Variants in PLD2 observed in about 807,000 individuals in gnomAD.
PLD2 encodes the protein choline phosphatase 2.
In PLD2, 101 loss-of-function variants were observed where a neutral mutation model predicts 119.8. The ratio of observed to expected loss-of-function variants is 0.84; its 90% CI spans 0.72 to 0.99. The LOEUF (loss-of-function observed/expected upper bound fraction) is 0.99. Among genes scored for constraint, PLD2 ranks in the 50% least tolerant of loss-of-function variants. The pLI is 0.00. For synonymous variants in PLD2, 494 were observed against 482.8 expected (o/e 1.02, Z -0.30); for missense variants, 1,164 against 1,226.8 (o/e 0.95, Z 0.76).
intron 10 of PLD2, 49 bp downstream of exon 10, chr17:4,811,000 C>G: frequency 6.4e-7 from 1 of 1,551,526 alleles, no homozygotes; most frequent in Non-Finnish European, 8.7e-7. Context: ...TTCTTGACCC[C>G]CTGTGTAATC....
Position 4,814,404 on chromosome 17 carries a change from TGG to T in PLD2, c.1011-13_1011-12del, listed in dbSNP as rs1340034686. The T allele has an allele frequency of 3.0e-5, 48 of 1,604,674 alleles. No homozygotes were observed. Among genetic ancestry groups the T allele is most frequent in the Non-Finnish European group, 3.7e-5 (44 of 1,176,348 alleles). ...TCTGACTCCCCTGACCTCCTTGGCT[TGG>T]CCTCCCCCCAGGTTTGTGAATGGGG... On this transcript the variant is annotated splice_polypyrimidine_tract_variant and intron_variant, in intron 10 of 24. Transcript: ENST00000263088.
In PLD2 at chr17:4,815,944, CT is replaced by C. The variant is rs1567530872; in HGVS notation, c.1455+11del. 8 of 1,593,306 alleles carry C rather than the reference CT, an allele frequency of 5.0e-6. No homozygotes were observed. In the South Asian group the frequency reaches 6.6e-5, roughly 13 times the overall value. On this transcript the variant is annotated intron_variant, in intron 14 of 24. Transcript: ENST00000263088. ...ATCAGCTGCCTCCCAGGTAATCCCCCTGAGGCCTTCCTGAGCACCCCCAAAC... is the reference window on the plus strand; with the variant it reads ...ATCAGCTGCCTCCCAGGTAATCCCCCGAGGCCTTCCTGAGCACCCCCAAAC...
rs1008637633 is a variant in PLD2 at position 4,808,617 on chromosome 17, G to A, written c.383+201G>A. 2.6e-5 allele frequency among the ~76,000 whole-genome samples: 4 copies of A among 152,170 alleles called. No individual in the cohort carries two copies. The highest frequency in any genetic ancestry group is 5.9e-5 in the Non-Finnish European group (4 of 68,038). On this transcript the variant is annotated intron_variant, in intron 4 of 24. Coordinates refer to ENST00000263088, the MANE Select transcript of PLD2 (RefSeq NM_002663.5). This position sits in a 1 kb window ranked among gnomAD's most constrained non-coding sequence, Gnocchi z 4.1. ...TGCCAGCATCTCAGCTGGGCGGGATGCCCAAAATGCTCTTGGCAGCCTCAC... is the reference window on the plus strand; with the variant it reads ...TGCCAGCATCTCAGCTGGGCGGGATACCCAAAATGCTCTTGGCAGCCTCAC...
Position 4,808,445 on chromosome 17 carries a change from A to C in PLD2, c.383+29A>C, listed in dbSNP as rs3889229. 3.0e-3 allele frequency: 4,850 copies of C among 1,605,806 alleles called. 135 individuals carry two copies. In the African/African-American group the frequency reaches 0.057, roughly 19 times the overall value. On this transcript the variant is annotated intron_variant, in intron 4 of 24. Transcript: ENST00000263088. This position sits in a 1 kb window ranked among gnomAD's most constrained non-coding sequence, Gnocchi z 4.1. The stretch of plus-strand genomic sequence containing the variant: ...AGGGCGACCGGACTGCTTCCTGTAG[A>C]GGGCAGGTGCTCCCCACCCTCCTTT...
At position 4,819,080 on chromosome 17, in the gene PLD2, G is replaced by A. The variant is rs773887954; in HGVS notation, c.2174-4G>A. 7 of 1,613,940 alleles carry A rather than the reference G, an allele frequency of 4.3e-6. No homozygotes were observed. The African/African-American group carries it at 5.3e-5, about 12-fold the overall frequency. On this transcript the variant is annotated splice_region_variant and splice_polypyrimidine_tract_variant and intron_variant, in intron 21 of 24. Transcript: ENST00000263088. The surrounding 1 kb of genome is among the most constrained non-coding windows in gnomAD (Gnocchi z 4.2). ...CTCACCTCACTTCCCCTCCTGTCAC[G>A]CAGTGGGGACAGCATGGCGGGACTA...
chr17:4,812,796 A>G (rs1253728759), intron 10 of PLD2, among the ~76,000 whole-genome samples: 3 of 152,178 alleles, frequency 2.0e-5, no homozygotes, highest in Non-Finnish European at 2.9e-5. Context: ...TATACAAGAT[A>G]AAGAAAATGC....
intron 6 of PLD2, 59 bp downstream of exon 6, chr17:4,809,422 G>A: frequency 1.9e-6 from 3 of 1,612,886 alleles, no homozygotes; most frequent in South Asian, 2.2e-5. Flanking sequence ...TCGGGGAGGA[G>A]GGCCAGGGGC....
At chr17:4,809,647 G>A in intron 7 of PLD2, 44 bp from the exon 8 acceptor site, 1 of 1,611,612 alleles carries the variant, frequency 6.2e-7, no homozygotes, top group Non-Finnish European at 8.5e-7. Flanking sequence ...GTGGGCTGGG[G>A]GTCTGGAGTC....
In PLD2 at chr17:4,819,412, C is replaced by T; in HGVS notation, c.2309-17C>T. 3.7e-6 allele frequency: 6 copies of T among 1,611,534 alleles called. 1 individual carries two copies. In the South Asian group the frequency reaches 4.4e-5, roughly 12 times the overall value. On this transcript the variant is annotated splice_polypyrimidine_tract_variant and intron_variant, in intron 22 of 24. Coordinates refer to ENST00000263088, the MANE Select transcript of PLD2 (RefSeq NM_002663.5). This position sits in a 1 kb window ranked among gnomAD's most constrained non-coding sequence, Gnocchi z 4.2. ...GCCCTGGGCCCAAGCACACAGTGTG[C>T]CCCGCATCCACCCCAGGTTCTGCAA...
At position 4,809,695 on chromosome 17, in the gene PLD2, G is replaced by T. The variant is rs1430265777; in HGVS notation, c.619G>T (p.Gly207Trp). 2 of 1,614,168 alleles carry T rather than the reference G, an allele frequency of 1.2e-6. No homozygotes were observed. The highest frequency in any genetic ancestry group is 1.3e-5 in the African/African-American group (1 of 75,056). Residue 207 changes from glycine (G) to tryptophan (W), a missense_variant, in exon 8 of 25, where the codon GGG (glycine) becomes TGG (tryptophan). Gly to Trp is a radical substitution (Grantham distance 184, BLOSUM62 -2). Coordinates refer to ENST00000263088, the MANE Select transcript of PLD2 (RefSeq NM_002663.5). The stretch of plus-strand genomic sequence containing the variant: ...CTCTTCCTGATTGTCCCACAGGGAG[G>T]GGATGATCCGGAAGCGCTCAGGTGG... ...IPDLGRKGLE[G>W]MIRKRSGGHR...
Position 4,809,188 on chromosome 17 carries a change from C to G in PLD2, c.472C>G (p.His158Asp). The change falls in exon 5 of 25, where the codon CAT becomes GAT. Residue 158 changes from histidine to aspartate, a missense_variant. By Grantham distance (81) the His-to-Asp change is moderately conservative. Coordinates refer to ENST00000263088, the MANE Select transcript of PLD2 (RefSeq NM_002663.5). ...GGCAGGTCCTGAGGGCTCCACCAGACATGCAGCCAGCAAACAGGTGGGACC... is the reference window on the plus strand; with the variant it reads ...GGCAGGTCCTGAGGGCTCCACCAGAGATGCAGCCAGCAAACAGGTGGGACC... The part of the protein sequence containing the change: ...PRAGPEGSTR[H>D]AASKQKYLEN... 6.2e-7 allele frequency: 1 copy of G among 1,614,098 alleles called. No individual in the cohort carries two copies. Among genetic ancestry groups the G allele is most frequent in the Non-Finnish European group, 8.5e-7 (1 of 1,179,928 alleles).
chr17:4,815,751 A>G lies in PLD2; in HGVS notation c.1285-13A>G, dbSNP rs761551348. The G allele has an allele frequency of 9.9e-6, 16 of 1,613,254 alleles. No homozygotes were observed. Among genetic ancestry groups the G allele is most frequent in the East Asian group, 2.2e-5 (1 of 44,884 alleles). ...CTAAACCCACCCTCATGAACCCTCC[A>G]TGCCTGCTCCAGGTGATGCGTCACC... On this transcript the variant is annotated splice_polypyrimidine_tract_variant and intron_variant, in intron 13 of 24. Coordinates refer to ENST00000263088, the MANE Select transcript of PLD2 (RefSeq NM_002663.5).
chr17:4,811,136 G>A (rs565258331), intron 10 of PLD2, among the ~76,000 whole-genome samples, 185 bp downstream of exon 10: 4 of 150,950 alleles, frequency 2.6e-5, no homozygotes, highest in African/African-American at 4.9e-5. Flanking sequence ...ATTTCGCGCC[G>A]ACCTTTCTGA....
chr17:4,822,723 C>T lies in PLD2; in HGVS notation c.2661C>T (p.Val887=). The part of the protein sequence containing the change: ...EYVAVEPLAT[V]SPPLARSELT... ...TGGCCGTGGAGCCCTTGGCCACGGTCAGTCCCCCCTTGGCTCGGTCTGAGC... is the reference window on the plus strand; with the variant it reads ...TGGCCGTGGAGCCCTTGGCCACGGTTAGTCCCCCCTTGGCTCGGTCTGAGC... The change falls in exon 25 of 25, where the codon GTC becomes GTT. Residue 887 remains valine, a synonymous_variant. Coordinates refer to ENST00000263088, the MANE Select transcript of PLD2 (RefSeq NM_002663.5). 6 of 1,614,074 alleles carry T rather than the reference C, an allele frequency of 3.7e-6. No individual in the cohort carries two copies. The highest frequency in any genetic ancestry group is 5.1e-6 in the Non-Finnish European group (6 of 1,179,914).
chr17:4,819,368 A>G lies in PLD2; in HGVS notation c.2309-61A>G. 4 of 1,606,096 alleles carry G rather than the reference A, an allele frequency of 2.5e-6. No homozygotes were observed. In the South Asian group the frequency reaches 3.3e-5, roughly 13 times the overall value. On this transcript the variant is annotated intron_variant, in intron 22 of 24. Coordinates refer to ENST00000263088, the MANE Select transcript of PLD2 (RefSeq NM_002663.5). This position sits in a 1 kb window ranked among gnomAD's most constrained non-coding sequence, Gnocchi z 4.2. ...GCAGGCCAGTGCTTTGGTAGAGGGG[A>G]TGGGGTACTGGGGAGAGTGCCCTGG... is the stretch of plus-strand genomic sequence containing the variant.
intron 9 of PLD2, 24 bp from the exon 10 acceptor site, chr17:4,810,778 G>A (rs1354943947): frequency 6.3e-7 from 1 of 1,597,830 alleles, no homozygotes; most frequent in Non-Finnish European, 8.5e-7. Context: ...GAGGATTTAT[G>A]GACATCTCAT....
intron 10 of PLD2, chr17:4,814,122 T>G: frequency 3.4e-6 from 1 of 292,848 alleles, no homozygotes; most frequent in Non-Finnish European, 6.4e-6. Flanking sequence ...TTGCTCATTT[T>G]TCAGTTGGCT....
chr17:4,813,872 A>G (rs901801770), intron 10 of PLD2, among the ~76,000 whole-genome samples: 3 of 152,244 alleles, frequency 2.0e-5, no homozygotes, highest in African/African-American at 7.2e-5. Context: ...AAAGCTATAT[A>G]TATATTTTTT....
Position 4,807,539 on chromosome 17 carries a change from C to CGGGACGGGGCGG in PLD2, c.-1-230_-1-229insACGGGGCGGGGG. ...GTTCCCCGGGGCTCTGGTTACGGGACGGGGCGGGGGGCGGGGGGCGGGACT... is the reference window on the plus strand; with the variant it reads ...GTTCCCCGGGGCTCTGGTTACGGGACGGGACGGGGCGGGGGGCGGGGGGCGGGGGGCGGGACT... On this transcript the variant is annotated intron_variant, in intron 1 of 24. Transcript: ENST00000263088. The surrounding 1 kb of genome is among the most constrained non-coding windows in gnomAD (Gnocchi z 5.4). 1 of 370,624 alleles carries CGGGACGGGGCGG rather than the reference C, an allele frequency of 2.7e-6. No individual in the cohort carries two copies. The highest frequency in any genetic ancestry group is 5.0e-6 in the Non-Finnish European group (1 of 198,732). 23.0% of individuals were successfully genotyped at this position (370,624 alleles called of 1,614,324 possible). A position where few individuals can be genotyped will look rare whatever the true frequency, so the allele number is the denominator to read the frequency against.
Sources: gnomAD v4.1 joint callset for allele counts (sites outside exome capture counted in the v4.1 genomes callset) on GRCh38, gnomAD v4.1.1 for gene constraint, Gnocchi (gnomAD v3.1) non-coding constraint, MANE v1.5 for transcripts, NCBI Gene and HGNC (gene_info 2026-07-23, HGNC 2026-07-21) for gene names.